Variants in RBFOX1 observed in about 807,000 individuals in gnomAD.
The protein encoded by RBFOX1 is RNA binding fox-1 homolog 1.
A neutral mutation model predicts 57.7 loss-of-function variants in RBFOX1; 8 were observed. The observed-to-expected ratio is 0.14, with a 90% CI of 0.08 to 0.25. RBFOX1 has a LOEUF of 0.25. Among genes scored for constraint, RBFOX1 ranks in the 10% least tolerant of loss-of-function variants. The pLI, the probability that RBFOX1 is intolerant of heterozygous loss-of-function variation, is 1.00. For missense variants in RBFOX1, 611 were observed against 548.5 expected, an observed-to-expected ratio of 1.11 and a Z score of -1.14; for synonymous variants, 326 against 222.4, an observed-to-expected ratio of 1.47 and a Z score of -4.15.
intron 4 of RBFOX1, among the ~76,000 whole-genome samples, chr16:7,424,658 T>A (rs192292577): frequency 6.6e-6 from 1 of 152,356 alleles, no homozygotes. Context: ...TTATTTTGTT[T>A]CTTATGTAGT....
At chr16:7,175,937 A>G (rs572881693) in intron 4 of RBFOX1, among the ~76,000 whole-genome samples, 54 of 152,196 alleles carry the variant, frequency 3.5e-4, no homozygotes, top group African/African-American at 1.3e-3. Flanking sequence ...TCTGCTGCAC[A>G]GACTTTTAAA....
intron 1 of RBFOX1, among the ~76,000 whole-genome samples, chr16:5,252,276 T>C (rs944806955): frequency 3.6e-4 from 55 of 152,180 alleles, no homozygotes; most frequent in African/African-American, 1.3e-3. Context: ...TTATGCAGGG[T>C]TAGGCTTTCC....
intron 3 of RBFOX1, among the ~76,000 whole-genome samples, chr16:5,736,979 C>A (rs989096063): frequency 6.7e-6 from 1 of 150,104 alleles, no homozygotes; most frequent in Non-Finnish European, 1.5e-5. Flanking sequence ...TTATTCCTAT[C>A]TTTCTCTGAT....
chr16:6,695,897 G>C (rs911635672), intron 3 of RBFOX1, among the ~76,000 whole-genome samples: 1 of 152,148 alleles, frequency 6.6e-6, no homozygotes, highest in African/African-American at 2.4e-5. Flanking sequence ...ATCTATGGGA[G>C]GAAATTGCAT....
chr16:7,201,440 C>G (rs1041850959), intron 4 of RBFOX1, among the ~76,000 whole-genome samples: 3 of 149,816 alleles, frequency 2.0e-5, no homozygotes, highest in Admixed American at 6.6e-5. Context: ...AAGAGAATGC[C>G]ACGATCTGAT....
chr16:6,721,555 A>T (rs1487025888), intron 3 of RBFOX1, among the ~76,000 whole-genome samples: 3 of 152,174 alleles, frequency 2.0e-5, no homozygotes, highest in Admixed American at 6.5e-5. Context: ...ATCTTGTAAG[A>T]TGGAAGCTTT....
intron 1 of RBFOX1, chr16:6,038,191 T>C (rs1175479733): frequency 6.7e-6 from 1 of 150,340 alleles, no homozygotes; most frequent in African/African-American, 2.4e-5. Context: ...TAGTTTTTTT[T>C]TTTTGAGATG....
intron 4 of RBFOX1, among the ~76,000 whole-genome samples, chr16:7,398,549 C>A (rs546523771): frequency 1.3e-5 from 2 of 152,216 alleles, no homozygotes; most frequent in Non-Finnish European, 2.9e-5. Flanking sequence ...CAGTCGCTTA[C>A]CCAGATGTTA....
chr16:5,803,500 T>C (rs541960599), intron 3 of RBFOX1, among the ~76,000 whole-genome samples: 5 of 152,224 alleles, frequency 3.3e-5, no homozygotes, highest in African/African-American at 1.2e-4. Context: ...CGGTGCTACT[T>C]TCTTTGTGAG....
intron 2 of RBFOX1, among the ~76,000 whole-genome samples, chr16:6,441,853 C>T (rs369646779): frequency 1.3e-5 from 2 of 152,308 alleles, no homozygotes; most frequent in East Asian, 3.9e-4. Flanking sequence ...CTGGGGAAGA[C>T]AGTCCTTCTC....
intron 3 of RBFOX1, among the ~76,000 whole-genome samples, chr16:5,783,123 T>C (rs1180060111): frequency 6.6e-6 from 1 of 152,108 alleles, no homozygotes; most frequent in Non-Finnish European, 1.5e-5. Context: ...TCACACCCTC[T>C]TTACTTAAAT....
intron 6 of RBFOX1, 30 bp from the exon 7 acceptor site, chr16:7,587,217 T>C (rs745738130): frequency 6.7e-7 from 1 of 1,503,480 alleles, no homozygotes; most frequent in South Asian, 1.4e-5. Flanking sequence ...TTTCTCTTCT[T>C]GCTTATAAGA....
intron 2 of RBFOX1, among the ~76,000 whole-genome samples, chr16:5,523,150 G>T (rs1053338819): frequency 6.6e-6 from 1 of 152,156 alleles, no homozygotes. Context: ...GCTGGGTTTG[G>T]TGGTGCATGC....
intron 5 of RBFOX1, among the ~76,000 whole-genome samples, chr16:7,568,646 G>A (rs1208036013): frequency 6.6e-6 from 1 of 152,012 alleles, no homozygotes; most frequent in African/African-American, 2.4e-5. Flanking sequence ...AGCACTGTGG[G>A]AGGCCGAGGC....
chr16:7,200,120 C>T (rs1011057335), intron 4 of RBFOX1, among the ~76,000 whole-genome samples: 1 of 152,152 alleles, frequency 6.6e-6, no homozygotes, highest in Non-Finnish European at 1.5e-5. Context: ...ATAGCACCAA[C>T]AAAACTGGTT....
chr16:7,345,143 G>A (rs1019492934), intron 4 of RBFOX1, among the ~76,000 whole-genome samples: 3 of 152,240 alleles, frequency 2.0e-5, no homozygotes, highest in East Asian at 3.9e-4. Context: ...TCTGTTTTCC[G>A]TTTAAACACA....
chr16:5,323,685 C>G (rs1330752720), intron 1 of RBFOX1, among the ~76,000 whole-genome samples: 2 of 152,218 alleles, frequency 1.3e-5, no homozygotes, highest in Non-Finnish European at 2.9e-5. Context: ...ATAAGCTAAC[C>G]CGGGCTTCAA....
chr16:7,535,052 G>C (rs1045818192), intron 5 of RBFOX1, among the ~76,000 whole-genome samples: 2 of 152,154 alleles, frequency 1.3e-5, no homozygotes, highest in Non-Finnish European at 1.5e-5. Context: ...AGTATAATAG[G>C]AGCATAACTA....
intron 2 of RBFOX1, among the ~76,000 whole-genome samples, chr16:6,625,398 T>G (rs1369246385): frequency 6.6e-6 from 1 of 152,178 alleles, no homozygotes; most frequent in Non-Finnish European, 1.5e-5. Context: ...AATGACTGCA[T>G]AGATGGCATG....
Sources: gnomAD v4.1 joint callset for allele counts (sites outside exome capture counted in the v4.1 genomes callset) on GRCh38, gnomAD v4.1.1 for gene constraint, MANE v1.5 for transcripts, NCBI Gene and HGNC (gene_info 2026-07-23, HGNC 2026-07-21) for gene names.